The following NCAM2 variants were observed in gnomAD, a reference collection of about 807,000 sequenced individuals.
The protein encoded by NCAM2 is N-CAM-2.
NCAM2 carries 30 observed loss-of-function variants against 98.1 expected under a neutral mutation model. The observed-to-expected ratio is 0.31, with a 90% CI of 0.23 to 0.41. NCAM2 has a LOEUF of 0.41. Among genes scored for constraint, NCAM2 ranks in the 10% least tolerant of loss-of-function variants. The pLI is 1.00. For missense variants in NCAM2, 867 were observed against 1,005.8 expected (o/e 0.86, Z 1.87); for synonymous variants, 368 against 342.4 (o/e 1.07, Z -0.83).
At chr21:21,494,519 A>C (rs907107389) in intron 15 of NCAM2, among the ~76,000 whole-genome samples, 4 of 151,946 alleles carry the variant, frequency 2.6e-5, no homozygotes, top group African/African-American at 9.7e-5. Context: ...TACAAACACT[A>C]GTTGTTTTAT....
intron 15 of NCAM2, among the ~76,000 whole-genome samples, chr21:21,483,503 C>T (rs1986077185): frequency 6.6e-6 from 1 of 151,900 alleles, no homozygotes; most frequent in Non-Finnish European, 1.5e-5. Flanking sequence ...TAGTTTCAAG[C>T]AACACTAATA....
intron 1 of NCAM2, among the ~76,000 whole-genome samples, chr21:21,196,964 C>T (rs1228007227): frequency 6.6e-6 from 1 of 152,064 alleles, no homozygotes; most frequent in African/African-American, 2.4e-5. Flanking sequence ...ACCTTCCCCT[C>T]ACTCCTCCTG....
chr21:21,428,485 G>A (rs2077262262), intron 11 of NCAM2, among the ~76,000 whole-genome samples: 1 of 152,150 alleles, frequency 6.6e-6, no homozygotes, highest in Non-Finnish European at 1.5e-5. Flanking sequence ...GATCAGAGTG[G>A]TTCTTTACAA....
chr21:21,346,926 GA>G (rs1352823084), intron 8 of NCAM2, among the ~76,000 whole-genome samples: 1 of 151,534 alleles, frequency 6.6e-6, no homozygotes, highest in Non-Finnish European at 1.5e-5. Context: ...AAAAAAAGAG[GA>G]AAAACTTCAA....
intron 1 of NCAM2, among the ~76,000 whole-genome samples, chr21:21,256,666 G>A (rs748785122): frequency 1.2e-4 from 18 of 151,782 alleles, no homozygotes; most frequent in Non-Finnish European, 2.5e-4. Context: ...CTGAGATCAG[G>A]GACTTACATA....
In NCAM2 at chr21:21,035,360, T is replaced by C. The variant is rs541272464; in HGVS notation, c.55+36742T>C. 6.6e-5 allele frequency among the ~76,000 whole-genome samples: 10 copies of C among 152,316 alleles called. No individual in the cohort carries two copies. In the South Asian group the frequency reaches 1.9e-3, roughly 28 times the overall value. On this transcript the variant is annotated intron_variant, in intron 1 of 17. Transcript: ENST00000400546. The stretch of plus-strand genomic sequence containing the variant: ...AAATAAGAATACTCATGGATAGTTA[T>C]TGAATCCTAGATAAATCAGGTAGAG...
chr21:21,124,380 T>C (rs1026448890), intron 1 of NCAM2, among the ~76,000 whole-genome samples: 1 of 152,190 alleles, frequency 6.6e-6, no homozygotes, highest in Non-Finnish European at 1.5e-5. Flanking sequence ...GTTTTGCCTG[T>C]TTAACATAAC....
At chr21:21,460,697 T>G (rs1982843522) in intron 12 of NCAM2, among the ~76,000 whole-genome samples, 1 of 151,906 alleles carries the variant, frequency 6.6e-6, no homozygotes, top group Admixed American at 6.6e-5. Flanking sequence ...AGATGAGGGC[T>G]GAGGACAGTA....
chr21:21,220,642 CT>C (rs2070109946), intron 1 of NCAM2, among the ~76,000 whole-genome samples: 1 of 152,112 alleles, frequency 6.6e-6, no homozygotes, highest in Non-Finnish European at 1.5e-5. Context: ...ATGTATTATA[CT>C]CGACCTCCTA....
chr21:21,293,640 G>A (rs188436140), intron 5 of NCAM2, among the ~76,000 whole-genome samples: 1 of 151,714 alleles, frequency 6.6e-6, no homozygotes, highest in East Asian at 2.0e-4. Flanking sequence ...TAAAGGATAG[G>A]TTTAAATAGG....
intron 12 of NCAM2, among the ~76,000 whole-genome samples, chr21:21,461,613 T>C (rs1982985803): frequency 1.3e-5 from 2 of 152,068 alleles, no homozygotes; most frequent in South Asian, 4.1e-4. Context: ...TATAAATGTT[T>C]TATTAACCAA....
intron 1 of NCAM2, among the ~76,000 whole-genome samples, chr21:21,103,651 T>C (rs1184747964): frequency 6.6e-6 from 1 of 152,054 alleles, no homozygotes; most frequent in Non-Finnish European, 1.5e-5. Flanking sequence ...GCTCAGTTTG[T>C]TGGTTATGTT....
At chr21:21,496,362 T>C (rs1987235019) in intron 15 of NCAM2, among the ~76,000 whole-genome samples, 1 of 152,064 alleles carries the variant, frequency 6.6e-6, no homozygotes, top group South Asian at 2.1e-4. Context: ...TTTTTGATGA[T>C]TAATGATGCT....
At chr21:21,111,019 TA>T (rs1456725103) in intron 1 of NCAM2, among the ~76,000 whole-genome samples, 2 of 152,074 alleles carry the variant, frequency 1.3e-5, no homozygotes, top group African/African-American at 4.8e-5. Flanking sequence ...AGGAAAAGTA[TA>T]TTTGTTGTGT....
chr21:21,437,501 T>TGTGTGTGTG (rs1569063376), intron 12 of NCAM2, among the ~76,000 whole-genome samples: 2 of 151,624 alleles, frequency 1.3e-5, no homozygotes, highest in African/African-American at 4.9e-5. Context: ...TGTGTGTGTG[T>TGTGTGTGTG]TTCTAGCACA....
chr21:21,367,191 G>T (rs2075807891), intron 8 of NCAM2, among the ~76,000 whole-genome samples: 1 of 152,070 alleles, frequency 6.6e-6, no homozygotes, highest in South Asian at 2.1e-4. Flanking sequence ...TTTACAAGAT[G>T]TACATTTTAG....
At chr21:21,353,694 A>T (rs2075399765) in intron 8 of NCAM2, among the ~76,000 whole-genome samples, 1 of 152,144 alleles carries the variant, frequency 6.6e-6, no homozygotes, top group Non-Finnish European at 1.5e-5. Context: ...TAACTCCTTC[A>T]AATTTTTCCT....
At chr21:21,317,411 T>G (rs897900171) in intron 5 of NCAM2, among the ~76,000 whole-genome samples, 13 of 152,148 alleles carry the variant, frequency 8.5e-5, no homozygotes, top group Admixed American at 8.5e-4. Flanking sequence ...CTGCAGAATT[T>G]TGCAAAAATG....
chr21:21,064,280 G>A (rs62207564), intron 1 of NCAM2, among the ~76,000 whole-genome samples: 26,910 of 152,010 alleles, frequency 0.18, 2,597 homozygotes, highest in Non-Finnish European at 0.19. Context: ...TATAATAAAA[G>A]GAGACTCAGT....
Sources: allele counts gnomAD v4.1 joint callset (sites outside exome capture counted in the v4.1 genomes callset), GRCh38; gene constraint gnomAD v4.1.1; transcripts MANE v1.5; gene names NCBI Gene and HGNC (gene_info 2026-07-23, HGNC 2026-07-21).